ZNF711: variants seen among roughly 807,000 people sequenced by gnomAD.
ZNF711 encodes zinc finger protein 711.
ZNF711 carries 3 observed loss-of-function variants against 43.5 expected under a neutral mutation model. The ratio of observed to expected loss-of-function variants is 0.07; its 90% CI spans 0.03 to 0.18. The LOEUF (loss-of-function observed/expected upper bound fraction) is 0.18. Among genes scored for constraint, ZNF711 ranks in the 10% least tolerant of loss-of-function variants. The pLI, the probability that ZNF711 is intolerant of heterozygous loss-of-function variation, is 1.00. For missense variants in ZNF711, 412 were observed against 604.0 expected, an observed-to-expected ratio of 0.68 and a Z score of 3.33; for synonymous variants, 209 against 207.7, an observed-to-expected ratio of 1.01 and a Z score of -0.06.
intron 4 of ZNF711, among the ~76,000 whole-genome samples, chrX:85,251,862 G>A: frequency 9.1e-6 from 1 of 110,366 alleles, no homozygotes; most frequent in East Asian, 2.9e-4. Flanking sequence ...AAGGCAGTCT[G>A]GAGTCAAACA....
Position 85,270,637 on chromosome X carries a change from T to C in ZNF711, c.1247-14T>C, listed in dbSNP as rs1449040920. ...TCTGACCAAATGTCACAACTTTCTC[T>C]TTTCTTTATCTAGCTGTTATAATAG... is the stretch of plus-strand genomic sequence containing the variant. On this transcript the variant is annotated splice_polypyrimidine_tract_variant and intron_variant, in intron 10 of 10. Transcript: ENST00000674551. The C allele has an allele frequency of 8.4e-7, 1 of 1,188,241 alleles. No homozygotes were observed. The highest frequency in any genetic ancestry group is 3.0e-5 in the East Asian group (1 of 33,513).
chrX:85,258,742 G>T lies in ZNF711; in HGVS notation c.622+2941G>T, dbSNP rs188126209. Among the ~76,000 whole-genome samples, 3 of 109,189 alleles carry T rather than the reference G, an allele frequency of 2.7e-5. No individual in the cohort carries two copies. The South Asian group carries it at 1.2e-3, about 43-fold the overall frequency. 94.8% of individuals were successfully genotyped at this position (109,189 alleles called of 115,157 possible). ...AAGTGTCTGTTCATGCCTTTTCCCCGTTTTTATTGGAGTTACTTGTTTTCT... is the reference window on the plus strand; with the variant it reads ...AAGTGTCTGTTCATGCCTTTTCCCCTTTTTTATTGGAGTTACTTGTTTTCT... On this transcript the variant is annotated intron_variant, in intron 5 of 10. Coordinates refer to ENST00000674551, the MANE Select transcript of ZNF711 (RefSeq NM_001330574.2).
rs770233038 is a variant in ZNF711, at chrX:85,255,272, T to A, written c.93T>A (p.Ala31=). 2 of 1,211,429 alleles carry A rather than the reference T, an allele frequency of 1.7e-6. No individual in the cohort carries two copies. Among genetic ancestry groups the A allele is most frequent in the South Asian group, 1.8e-5 (1 of 56,985 alleles). The part of the protein sequence containing the change: ...MIMQDFVAGM[A]GTAHIDGDHI... ...TTTGTATTATAGTGGCTGGAATGGC[T>A]GGTACTGCACATATCGATGGAGACC... is the stretch of plus-strand genomic sequence containing the variant. Residue 31 remains alanine (A), a synonymous_variant, in exon 5 of 11, where the codon GCT becomes GCA. Coordinates refer to ENST00000674551, the MANE Select transcript of ZNF711 (RefSeq NM_001330574.2).
rs751356830 is a variant in ZNF711, at chrX:85,271,461, T to A, written c.2057T>A (p.Ile686Asn). 1 of 1,211,171 alleles carries A rather than the reference T, an allele frequency of 8.3e-7. No individual in the cohort carries two copies. Among genetic ancestry groups the A allele is most frequent in the South Asian group, 1.8e-5 (1 of 56,987 alleles). The change falls in exon 11 of 11, where the codon ATC becomes AAC. Residue 686 changes from isoleucine (I) to asparagine (N), a missense_variant. Ile to Asn is a moderately radical substitution (Grantham distance 149, BLOSUM62 -3). This residue lies in a region of ZNF711 where 375 missense variants were observed against 514.2 expected (regional missense o/e 0.73). Transcript: ENST00000674551. ...TCTGAGCTCAAAAAGCATAGTGATA[T>A]CCATAAGGGTAGGAAGATTCATCAG... ...RPSELKKHSD[I>N]HKGRKIHQCR...
rs1931660931 is a variant in ZNF711 at position 85,272,793 on chromosome X, T to A, written c.*965T>A. On this transcript the variant is annotated 3_prime_UTR_variant, in exon 11 of 11. Coordinates refer to ENST00000674551, the MANE Select transcript of ZNF711 (RefSeq NM_001330574.2). ...ATTGATTTTTAAAATCTATATACCA[T>A]ATGATTAACATGCATTTTCAATATG... 1 of 112,220 alleles carries A rather than the reference T, an allele frequency of 8.9e-6. No homozygotes were observed. Among genetic ancestry groups the A allele is most frequent in the South Asian group, 3.7e-4 (1 of 2,715 alleles). 9.2% of individuals were successfully genotyped at this position (112,220 alleles called of 1,213,427 possible).
chrX:85,267,193 A>G (rs1017139172), intron 7 of ZNF711, 85 bp from the exon 8 acceptor site: 174 of 772,906 alleles, frequency 2.3e-4, no homozygotes, highest in Middle Eastern at 3.7e-4. Flanking sequence ...GAAATTTGAA[A>G]GTTGAAAGAT....
At chrX:85,254,386 T>C (rs1172078993) in intron 4 of ZNF711, among the ~76,000 whole-genome samples, 1 of 76,851 alleles carries the variant, frequency 1.3e-5, no homozygotes, top group African/African-American at 6.4e-5. Context: ...GGGTGGATCA[T>C]GAGGTCAGGA....
chrX:85,256,614 T>C (rs1930167381), intron 5 of ZNF711, among the ~76,000 whole-genome samples: 1 of 111,353 alleles, frequency 9.0e-6, no homozygotes, highest in African/African-American at 3.3e-5. Flanking sequence ...AATGGTTGAC[T>C]GGGAAGTTTA....
At position 85,265,194 on chromosome X, in the gene ZNF711, G is replaced by A; in HGVS notation, c.855G>A (p.Met285Ile). The change falls in exon 7 of 11, where the codon ATG (methionine) becomes ATA (isoleucine). Residue 285 changes from methionine to isoleucine, a missense_variant. By Grantham distance (10) the Met-to-Ile change is conservative. This residue lies in a region of ZNF711 where 375 missense variants were observed against 514.2 expected (regional missense o/e 0.73). Coordinates refer to ENST00000674551, the MANE Select transcript of ZNF711 (RefSeq NM_001330574.2). ...SVAGVLDQSR[M>I]QREKMVYMAV... ...CTGGAGTGCTTGACCAGAGCCGAAT[G>A]CAGCGGGAGAAGATGGTTTACATGG... is the stretch of plus-strand genomic sequence containing the variant. 2 of 1,209,039 alleles carry A rather than the reference G, an allele frequency of 1.7e-6. No individual in the cohort carries two copies. The highest frequency in any genetic ancestry group is 3.0e-5 in the East Asian group (1 of 33,744).
At chrX:85,270,280 G>GT (rs200962174) in intron 10 of ZNF711, 134 bp downstream of exon 10, 21,169 of 457,000 alleles carry the variant, frequency 0.046, 1 homozygote, top group Non-Finnish European at 0.053. Flanking sequence ...ATAGATAATT[G>GT]TTTTTTTTTT....
At position 85,257,808 on chromosome X, in the gene ZNF711, T is replaced by C. The variant is rs1223862877; in HGVS notation, c.622+2007T>C. 2.6e-5 allele frequency among the ~76,000 whole-genome samples: 3 copies of C among 113,397 alleles called. No homozygotes were observed. In the Admixed American group the frequency reaches 2.8e-4, roughly 10 times the overall value. ...CCAACAGTGTTTAAGTGTCCCCTTT[T>C]CTCCACAGCCTCACCAACATCTGTT... On this transcript the variant is annotated intron_variant, in intron 5 of 10. Transcript: ENST00000674551.
At chrX:85,253,261 T>G (rs1929702296) in intron 4 of ZNF711, among the ~76,000 whole-genome samples, 1 of 111,664 alleles carries the variant, frequency 9.0e-6, no homozygotes, top group African/African-American at 3.3e-5. Context: ...AGTACAGAGT[T>G]TTTCCCCCTA....
rs1333073789 is a variant in ZNF711, at chrX:85,265,149, C to T, written c.810C>T (p.Tyr270=). 3 of 1,208,010 alleles carry T rather than the reference C, an allele frequency of 2.5e-6. No individual in the cohort carries two copies. In the East Asian group the frequency reaches 8.9e-5, roughly 36 times the overall value. The change falls in exon 7 of 11, where the codon TAC becomes TAT. Residue 270 remains tyrosine, a synonymous_variant. Coordinates refer to ENST00000674551, the MANE Select transcript of ZNF711 (RefSeq NM_001330574.2). The part of the protein sequence containing the change: ...GGTEIVTESE[Y]TSGHSVAGVL... ...CAGAAATTGTCACAGAGAGTGAGTA[C>T]ACCAGTGGACATTCAGTAGCTGGAG...
intron 5 of ZNF711, 130 bp downstream of exon 5, chrX:85,255,931 A>G: frequency 3.3e-6 from 2 of 604,115 alleles, no homozygotes; most frequent in East Asian, 3.6e-5. Context: ...TTTTTGAAGC[A>G]GTGTCATTAA....
Position 85,273,054 on chromosome X carries a change from A to T in ZNF711, c.*1226A>T, listed in dbSNP as rs1363165180. ...TGTACTTTTAAGTTTTAGTTGCTTC[A>T]TGTTTACATTCAGCTGTTCAACATA... On this transcript the variant is annotated 3_prime_UTR_variant, in exon 11 of 11. Transcript: ENST00000674551. 8.9e-6 allele frequency: 1 copy of T among 112,155 alleles called. No individual in the cohort carries two copies. The highest frequency in any genetic ancestry group is 1.9e-5 in the Non-Finnish European group (1 of 53,025). The allele number at this position is 112,155 out of a possible 1,213,427, so 9.2% of individuals were successfully genotyped here.
chrX:85,268,449 A>G, intron 9 of ZNF711, 108 bp downstream of exon 9: 2 of 923,049 alleles, frequency 2.2e-6, no homozygotes, highest in South Asian at 4.5e-5. Flanking sequence ...TTGGACTCTT[A>G]CTTGCTTAGT....
At chrX:85,257,796 A>T (rs1267630817) in intron 5 of ZNF711, among the ~76,000 whole-genome samples, 1 of 113,393 alleles carries the variant, frequency 8.8e-6, no homozygotes, top group Non-Finnish European at 1.9e-5. Flanking sequence ...ACAGTGTTTA[A>T]GTGTCCCCTT....
chrX:85,269,028 G>C (rs1432655409), intron 9 of ZNF711, among the ~76,000 whole-genome samples: 1 of 111,365 alleles, frequency 9.0e-6, no homozygotes, highest in Non-Finnish European at 1.9e-5. Context: ...AAACCACAAT[G>C]GATTTTTGAT....
chrX:85,264,607 C>A (rs187080295), intron 6 of ZNF711, among the ~76,000 whole-genome samples, 177 bp downstream of exon 6: 1 of 111,227 alleles, frequency 9.0e-6, no homozygotes, highest in African/African-American at 3.3e-5. Flanking sequence ...ATATGTCATT[C>A]TTTGATTCTT....
Sources: gnomAD v4.1 joint callset for allele counts (sites outside exome capture counted in the v4.1 genomes callset) on GRCh38, gnomAD v4.1.1 for gene constraint, gnomAD v4.1.1 regional missense constraint, MANE v1.5 for transcripts, NCBI Gene and HGNC (gene_info 2026-07-23, HGNC 2026-07-21) for gene names.